The following MORC1 variants were observed in gnomAD, a reference collection of about 807,000 sequenced individuals.
MORC1 encodes the protein MORC family CW-type zinc finger protein 1.
A neutral mutation model predicts 134.9 loss-of-function variants in MORC1; 59 were observed. The ratio of observed to expected loss-of-function variants is 0.44; its 90% CI spans 0.35 to 0.54. The LOEUF is 0.54. Ranked by LOEUF, MORC1 falls within the 20% of genes least tolerant of loss-of-function variation. The pLI, the probability that MORC1 is intolerant of heterozygous loss-of-function variation, is 0.00. For missense variants in MORC1, 947 were observed against 1,134.5 expected, an observed-to-expected ratio of 0.83 and a Z score of 2.37; for synonymous variants, 395 against 391.7, an observed-to-expected ratio of 1.01 and a Z score of -0.10.
At chr3:108,994,618 T>C (rs1948148866) in intron 21 of MORC1, among the ~76,000 whole-genome samples, 1 of 152,066 alleles carries the variant, frequency 6.6e-6, no homozygotes, top group African/African-American at 2.4e-5. Flanking sequence ...TTAGAAAATT[T>C]CTACAATGTC....
chr3:109,017,516 G>A (rs1948844205), intron 17 of MORC1, among the ~76,000 whole-genome samples: 1 of 152,186 alleles, frequency 6.6e-6, no homozygotes, highest in African/African-American at 2.4e-5. Context: ...ATTAGAGATA[G>A]AGATTTCCAC....
intron 9 of MORC1, 29 bp from the exon 10 acceptor site, chr3:109,063,260 A>T: frequency 1.4e-6 from 2 of 1,383,782 alleles, no homozygotes; most frequent in Non-Finnish European, 2.0e-6. Context: ...AACATAATCA[A>T]GTCAGATTAT....
chr3:108,988,178 C>T (rs1947947141), intron 21 of MORC1, among the ~76,000 whole-genome samples: 1 of 152,086 alleles, frequency 6.6e-6, no homozygotes, highest in African/African-American at 2.4e-5. Flanking sequence ...TGTGCTCTCT[C>T]AGGAAGCAGG....
intron 8 of MORC1, among the ~76,000 whole-genome samples, chr3:109,078,392 C>T (rs1349404915): frequency 2.0e-5 from 3 of 151,920 alleles, no homozygotes; most frequent in Admixed American, 6.6e-5. Flanking sequence ...TATCTGACTC[C>T]TCTCTCCAAA....
chr3:109,042,832 G>C (rs1482803787), intron 14 of MORC1, among the ~76,000 whole-genome samples: 2 of 152,038 alleles, frequency 1.3e-5, no homozygotes, highest in African/African-American at 4.8e-5. Context: ...GGCACTGAAA[G>C]ACAAATACTG....
At chr3:109,111,062 A>AC (rs1951158653) in intron 2 of MORC1, among the ~76,000 whole-genome samples, 1 of 145,402 alleles carries the variant, frequency 6.9e-6, no homozygotes, top group African/African-American at 2.6e-5. Context: ...AAAAAAAAAA[A>AC]AAAAAACAAA....
At chr3:108,984,645 A>G in intron 23 of MORC1, 71 bp downstream of exon 23, 1 of 1,153,162 alleles carries the variant, frequency 8.7e-7, no homozygotes, top group Non-Finnish European at 1.2e-6. Flanking sequence ...TCTTGTATTT[A>G]AACATTGATA....
At chr3:108,984,879 T>C (rs1947855188) in intron 22 of MORC1, 97 bp from the exon 23 acceptor site, 1 of 801,846 alleles carries the variant, frequency 1.2e-6, no homozygotes, top group Non-Finnish European at 1.9e-6. Flanking sequence ...CTCTGTATAA[T>C]ATGGATTTGT....
At chr3:109,032,517 T>C (rs1949263626) in intron 16 of MORC1, among the ~76,000 whole-genome samples, 1 of 152,108 alleles carries the variant, frequency 6.6e-6, no homozygotes, top group Non-Finnish European at 1.5e-5. Context: ...CTTCAGATAG[T>C]TACACCCAGA....
At chr3:109,040,720 C>T (rs141951478) in intron 14 of MORC1, among the ~76,000 whole-genome samples, 1 of 149,744 alleles carries the variant, frequency 6.7e-6, no homozygotes, top group Non-Finnish European at 1.5e-5. Flanking sequence ...ATCCCAACTA[C>T]CTGGGTGGCT....
chr3:109,095,179 T>C (rs1950806222), intron 6 of MORC1, 111 bp from the exon 7 acceptor site: 1 of 1,022,158 alleles, frequency 9.8e-7, no homozygotes, highest in South Asian at 1.7e-5. Context: ...AAACACTAAG[T>C]TAAAAGTTCA....
At chr3:108,992,357 T>A (rs1948087752) in intron 21 of MORC1, among the ~76,000 whole-genome samples, 1 of 152,194 alleles carries the variant, frequency 6.6e-6, no homozygotes, top group African/African-American at 2.4e-5. Flanking sequence ...CAAGTATACA[T>A]CCTACTCTTT....
chr3:109,070,923 T>A (rs1262342699), intron 8 of MORC1, among the ~76,000 whole-genome samples: 1 of 152,224 alleles, frequency 6.6e-6, no homozygotes, highest in Admixed American at 6.5e-5. Flanking sequence ...GAGCAGAATT[T>A]TCCCAGTATA....
intron 14 of MORC1, among the ~76,000 whole-genome samples, chr3:109,045,018 C>A (rs990927876): frequency 6.6e-6 from 1 of 151,160 alleles, no homozygotes; most frequent in Non-Finnish European, 1.5e-5. Flanking sequence ...ATAGAACATA[C>A]AATGACATTC....
At chr3:109,087,671 A>G (rs2107747658) in intron 8 of MORC1, among the ~76,000 whole-genome samples, 1 of 152,268 alleles carries the variant, frequency 6.6e-6, no homozygotes, top group African/African-American at 2.4e-5. Flanking sequence ...TACAGATTCA[A>G]TGCTATTCCT....
rs572038195 is a variant in MORC1 at position 108,985,574 on chromosome 3, G to A, written c.2258-792C>T. The stretch of plus-strand genomic sequence containing the variant: ...ACCCTTTTAAGGAAAAAGAATGAAT[G>A]GACAGATGTTTTCCAACCATGCTGT... On this transcript the variant is annotated intron_variant, in intron 22 of 27. Coordinates refer to ENST00000232603, the MANE Select transcript of MORC1 (RefSeq NM_014429.4). Among the ~76,000 whole-genome samples, 31 of 152,206 alleles carry A rather than the reference G, an allele frequency of 2.0e-4. No individual in the cohort carries two copies. The South Asian group carries it at 2.1e-3, about 10-fold the overall frequency.
chr3:108,996,238 A>C (rs1948203405), intron 21 of MORC1, among the ~76,000 whole-genome samples: 1 of 142,300 alleles, frequency 7.0e-6, no homozygotes, highest in South Asian at 2.3e-4. Context: ...GCCTGACGCT[A>C]CCACAATACA....
intron 17 of MORC1, among the ~76,000 whole-genome samples, chr3:109,012,460 G>A (rs936933820): frequency 6.6e-6 from 1 of 151,826 alleles, no homozygotes; most frequent in Non-Finnish European, 1.5e-5. Flanking sequence ...TCAGTTTTTA[G>A]TATCTATCAA....
In MORC1 at chr3:109,072,321, G is replaced by A. The variant is rs147038793; in HGVS notation, c.690-2564C>T. Among the ~76,000 whole-genome samples the A allele has an allele frequency of 7.8e-4, 118 of 152,164 alleles. 1 individual carries two copies. The East Asian group carries it at 0.02, about 26-fold the overall frequency. On this transcript the variant is annotated intron_variant, in intron 8 of 27. Coordinates refer to ENST00000232603, the MANE Select transcript of MORC1 (RefSeq NM_014429.4). ...AGTTCTTCAGCCACTCTTGCTTGGC[G>A]CACCCCTTTTCACCCTGCGGTATAC...
Sources: gnomAD v4.1 joint callset for allele counts (sites outside exome capture counted in the v4.1 genomes callset) on GRCh38, gnomAD v4.1.1 for gene constraint, MANE v1.5 for transcripts, NCBI Gene and HGNC (gene_info 2026-07-23, HGNC 2026-07-21) for gene names.